The following GPR137B variants were observed in gnomAD, a reference collection of about 807,000 sequenced individuals.
GPR137B encodes the protein G protein-coupled receptor 137B.
A neutral mutation model predicts 42.5 loss-of-function variants in GPR137B; 42 were observed. That is an observed-to-expected ratio of 0.99 (90% CI 0.77 to 1.28). The LOEUF (loss-of-function observed/expected upper bound fraction) is 1.28. Among genes scored for constraint, GPR137B ranks in the 50% most tolerant of loss-of-function variants. The pLI is 0.00. For missense variants in GPR137B, 487 were observed against 493.9 expected, an observed-to-expected ratio of 0.99 and a Z score of 0.13; for synonymous variants, 218 against 209.7, an observed-to-expected ratio of 1.04 and a Z score of -0.34.
chr1:236,205,835 C>T (rs1317566204), intron 6 of GPR137B, among the ~76,000 whole-genome samples: 2 of 152,036 alleles, frequency 1.3e-5, no homozygotes, highest in South Asian at 2.1e-4. Context: ...CCACTGCACC[C>T]GGCCAGAAAA....
chr1:236,176,233 A>G (rs368610041), intron 2 of GPR137B, among the ~76,000 whole-genome samples: 73 of 152,148 alleles, frequency 4.8e-4, no homozygotes, highest in African/African-American at 1.6e-3. Context: ...ATGGCAAATC[A>G]TTAACGTTTC....
intron 5 of GPR137B, among the ~76,000 whole-genome samples, chr1:236,200,522 G>C (rs767847659): frequency 7.2e-5 from 11 of 151,842 alleles, no homozygotes; most frequent in African/African-American, 2.4e-4. Context: ...AAATTTGGGG[G>C]CTCCCATATT....
At chr1:236,207,462 C>G (rs1344958639) in intron 6 of GPR137B, among the ~76,000 whole-genome samples, 4 of 152,214 alleles carry the variant, frequency 2.6e-5, no homozygotes, top group Non-Finnish European at 2.9e-5. Flanking sequence ...GTCCCACCCT[C>G]TCACCTGCCA....
Position 236,183,851 on chromosome 1 carries a change from T to G in GPR137B, c.911T>G (p.Leu304Ter), listed in dbSNP as rs1558490525. 1 of 1,605,776 alleles carries G rather than the reference T, an allele frequency of 6.2e-7. No individual in the cohort carries two copies. The highest frequency in any genetic ancestry group is 1.7e-5 in the Admixed American group (1 of 59,970). The stretch of plus-strand genomic sequence containing the variant: ...GTGGTGTTATTTGTTTGGGAACTCT[T>G]ACCTACCACCTTAGTCGTTTATTTC... ...FGVVLFVWEL[L>*]PTTLVVYFFR... The change falls in exon 5 of 7, where the codon TTA (leucine) becomes TGA (stop). Residue 304 changes from leucine to a stop codon, truncating the protein, a stop_gained. Transcript: ENST00000366592. LOFTEE classifies it high-confidence loss of function.
chr1:236,202,867 AT>A (rs774666230), intron 5 of GPR137B, among the ~76,000 whole-genome samples: 2 of 152,018 alleles, frequency 1.3e-5, no homozygotes, highest in African/African-American at 2.4e-5. Context: ...TCTTTAATCC[AT>A]TTTTTTTGAT....
At chr1:236,193,938 A>G (rs900981408) in intron 5 of GPR137B, among the ~76,000 whole-genome samples, 7 of 152,224 alleles carry the variant, frequency 4.6e-5, no homozygotes, top group Non-Finnish European at 1.0e-4. Flanking sequence ...CCTTTGCCAC[A>G]TCGTATACTG....
intron 1 of GPR137B, among the ~76,000 whole-genome samples, chr1:236,160,224 T>C (rs1292084819): frequency 6.6e-6 from 1 of 152,182 alleles, no homozygotes; most frequent in Non-Finnish European, 1.5e-5. Flanking sequence ...CCTCCCATCC[T>C]TCTTGCCACA....
chr1:236,165,791 A>G (rs907969985), intron 1 of GPR137B, among the ~76,000 whole-genome samples: 36 of 152,212 alleles, frequency 2.4e-4, no homozygotes, highest in Admixed American at 7.2e-4. Flanking sequence ...TGCAGGGGGA[A>G]AAAGTTTTCC....
chr1:236,184,347 A>G (rs1281901334), intron 5 of GPR137B, among the ~76,000 whole-genome samples: 1 of 152,224 alleles, frequency 6.6e-6, no homozygotes, highest in African/African-American at 2.4e-5. Context: ...TAGGGCAATA[A>G]GAGACATCAT....
chr1:236,155,841 C>T lies in GPR137B; in HGVS notation c.414+12805C>T, dbSNP rs1355857550. Among the ~76,000 whole-genome samples, 1 of 152,196 alleles carries T rather than the reference C, an allele frequency of 6.6e-6. No homozygotes were observed. The highest frequency in any genetic ancestry group is 2.4e-5 in the African/African-American group (1 of 41,454). The stretch of plus-strand genomic sequence containing the variant: ...TCTATAAAGGTAAAGACTGTTATCC[C>T]ATTATCACTTATGAAATGAGGAATG... On this transcript the variant is annotated intron_variant, in intron 1 of 6. Transcript: ENST00000366592. This position sits in a 1 kb window ranked among gnomAD's most constrained non-coding sequence, Gnocchi z 4.6.
chr1:236,180,696 G>A (rs978647033), intron 4 of GPR137B, among the ~76,000 whole-genome samples: 3 of 149,162 alleles, frequency 2.0e-5, no homozygotes, highest in Non-Finnish European at 4.4e-5. Flanking sequence ...GTGCAATGGC[G>A]CGACCTGCCT....
rs1213178837 is a variant in GPR137B, at chr1:236,206,140, T to A, written c.1091+890T>A. On this transcript the variant is annotated intron_variant, in intron 6 of 6. Coordinates refer to ENST00000366592, the MANE Select transcript of GPR137B (RefSeq NM_003272.4). Reference sequence around the variant, plus strand: ...TCATGAATACTTATTTAATAAATACTTCTATAGCATCTACTCTGTATCAGA... The same window carrying A: ...TCATGAATACTTATTTAATAAATACATCTATAGCATCTACTCTGTATCAGA... 3.3e-5 allele frequency among the ~76,000 whole-genome samples: 5 copies of A among 152,374 alleles called. No individual in the cohort carries two copies. In the East Asian group the frequency reaches 9.6e-4, roughly 29 times the overall value.
chr1:236,187,471 G>A (rs190118082), intron 5 of GPR137B, among the ~76,000 whole-genome samples: 10 of 152,114 alleles, frequency 6.6e-5, no homozygotes, highest in Non-Finnish European at 1.0e-4. Context: ...TAGGTCTTAC[G>A]TTTAAGTCTT....
Position 236,142,835 on chromosome 1 carries a change from C to G in GPR137B, c.213C>G (p.Arg71=). 1 of 1,614,126 alleles carries G rather than the reference C, an allele frequency of 6.2e-7. No homozygotes were observed. Among genetic ancestry groups the G allele is most frequent in the Non-Finnish European group, 8.5e-7 (1 of 1,179,956 alleles). Residue 71 remains arginine (R), a synonymous_variant, in exon 1 of 7, where the codon CGC becomes CGG. Transcript: ENST00000366592. The part of the protein sequence containing the change: ...YVQLWLVLRY[R]HKRLSYQSVF... Reference sequence around the variant, plus strand: ...AGCTCTGGCTGGTGCTGCGTTACCGCCACAAGCGGCTCAGCTACCAGAGCG... The same window carrying G: ...AGCTCTGGCTGGTGCTGCGTTACCGGCACAAGCGGCTCAGCTACCAGAGCG...
chr1:236,196,009 T>G (rs1157278732), intron 5 of GPR137B, among the ~76,000 whole-genome samples: 2 of 148,708 alleles, frequency 1.3e-5, no homozygotes, highest in African/African-American at 5.1e-5. Flanking sequence ...TGCAAATATT[T>G]TCTCCCATTC....
chr1:236,144,548 T>G (rs1177404252), intron 1 of GPR137B, among the ~76,000 whole-genome samples: 1 of 152,256 alleles, frequency 6.6e-6, no homozygotes, highest in Non-Finnish European at 1.5e-5. Context: ...GTAGATAGTA[T>G]AATCTTTTAA....
At chr1:236,151,932 G>A (rs1661879514) in intron 1 of GPR137B, among the ~76,000 whole-genome samples, 1 of 152,072 alleles carries the variant, frequency 6.6e-6, no homozygotes, top group African/African-American at 2.4e-5. Context: ...CTGTGTGACG[G>A]TCCATTTTTA....
chr1:236,206,826 G>T (rs544173934), intron 6 of GPR137B, among the ~76,000 whole-genome samples: 12 of 104,130 alleles, frequency 1.2e-4, no homozygotes, highest in African/African-American at 5.1e-4. Context: ...GCTCTGAGAC[G>T]GTGAGGCCAG....
At chr1:236,191,756 C>A (rs545600984) in intron 5 of GPR137B, among the ~76,000 whole-genome samples, 1 of 152,208 alleles carries the variant, frequency 6.6e-6, no homozygotes, top group Non-Finnish European at 1.5e-5. Flanking sequence ...TATGAGGTGT[C>A]TGTCAGCCCC....
Sources: allele counts gnomAD v4.1 joint callset (sites outside exome capture counted in the v4.1 genomes callset), GRCh38; gene constraint gnomAD v4.1.1; non-coding constraint Gnocchi (gnomAD v3.1); transcripts MANE v1.5; gene names NCBI Gene and HGNC (gene_info 2026-07-23, HGNC 2026-07-21).